SNTG1: variants seen among roughly 807,000 people sequenced by gnomAD.
The protein encoded by SNTG1 is gamma-1-syntrophin.
A neutral mutation model predicts 74.7 loss-of-function variants in SNTG1; 39 were observed. The ratio of observed to expected loss-of-function variants is 0.52; its 90% CI spans 0.40 to 0.68. SNTG1 has a LOEUF of 0.68. Ranked by LOEUF, SNTG1 falls within the 30% of genes least tolerant of loss-of-function variation. The pLI is 0.00. For synonymous variants in SNTG1, 254 were observed against 217.1 expected, an observed-to-expected ratio of 1.17 and a Z score of -1.49; for missense variants, 685 against 609.5, an observed-to-expected ratio of 1.12 and a Z score of -1.30.
At chr8:50,445,712 A>G (rs1476586538) in intron 5 of SNTG1, among the ~76,000 whole-genome samples, 1 of 152,132 alleles carries the variant, frequency 6.6e-6, no homozygotes, top group Non-Finnish European at 1.5e-5. Context: ...CTACAATAAC[A>G]ATGCTCAGTT....
intron 1 of SNTG1, among the ~76,000 whole-genome samples, chr8:50,079,354 C>T (rs1822186235): frequency 6.6e-6 from 1 of 150,856 alleles, no homozygotes; most frequent in Admixed American, 6.6e-5. Context: ...ACATAAATAT[C>T]TTCTTTTGGG....
chr8:50,711,536 A>C lies in SNTG1; in HGVS notation c.1284+2558A>C, dbSNP rs1266531631. ...GTATTCTTAATACATCAGTGAAGGA[A>C]AGAATTGCTGCATCTCTCTTATTGC... On this transcript the variant is annotated intron_variant, in intron 17 of 18. Transcript: ENST00000642720. Among the ~76,000 whole-genome samples, 5 of 152,192 alleles carry C rather than the reference A, an allele frequency of 3.3e-5. No homozygotes were observed. In the East Asian group the frequency reaches 9.6e-4, roughly 29 times the overall value.
At chr8:50,640,947 A>G (rs866258767) in intron 13 of SNTG1, among the ~76,000 whole-genome samples, 32 of 152,128 alleles carry the variant, frequency 2.1e-4, no homozygotes, top group Middle Eastern at 3.2e-3. Context: ...TAGCGCATTC[A>G]TCTTATGTCA....
chr8:50,305,914 A>AC (rs2089873412), intron 2 of SNTG1, among the ~76,000 whole-genome samples: 2 of 151,654 alleles, frequency 1.3e-5, no homozygotes, highest in African/African-American at 4.8e-5. Context: ...AAAAAAAAAA[A>AC]AACTGTTTCA....
At chr8:50,689,356 T>C (rs969402122) in intron 15 of SNTG1, among the ~76,000 whole-genome samples, 3 of 152,218 alleles carry the variant, frequency 2.0e-5, no homozygotes, top group African/African-American at 7.2e-5. Context: ...CTTGAAGTTT[T>C]TGCCCATTCA....
chr8:50,660,260 A>G (rs1563707744), intron 15 of SNTG1, among the ~76,000 whole-genome samples: 1 of 149,670 alleles, frequency 6.7e-6, no homozygotes. Context: ...GAAGGAGGGA[A>G]GGAGAGAGAG....
Position 50,049,503 on chromosome 8 carries a change from G to A in SNTG1, c.-102-123058G>A, listed in dbSNP as rs1392428882. ...ACGATCTTTATTTGTGAGAGGAAAA[G>A]CTGACAGAATTGTTAGGATAACTGG... On this transcript the variant is annotated intron_variant, in intron 1 of 18. Transcript: ENST00000642720. Among the ~76,000 whole-genome samples the A allele has an allele frequency of 1.3e-4, 20 of 152,074 alleles. 1 individual carries two copies.
At chr8:50,714,848 G>A (rs1031134732) in intron 17 of SNTG1, among the ~76,000 whole-genome samples, 68 of 152,096 alleles carry the variant, frequency 4.5e-4, no homozygotes, top group African/African-American at 1.6e-3. Flanking sequence ...GCATCAAGCA[G>A]GTGGGGGCAA....
At chr8:50,006,378 CT>C (rs1395355931) in intron 1 of SNTG1, among the ~76,000 whole-genome samples, 9 of 152,132 alleles carry the variant, frequency 5.9e-5, no homozygotes, top group Middle Eastern at 3.4e-3. Context: ...CTTTAAAATT[CT>C]TGTCAGATAA....
intron 2 of SNTG1, among the ~76,000 whole-genome samples, chr8:50,373,364 T>G (rs539304580): frequency 1.3e-5 from 2 of 152,336 alleles, no homozygotes; most frequent in East Asian, 3.9e-4. Flanking sequence ...TAAATCTCAC[T>G]TGTTAAGTCT....
At chr8:50,227,929 A>AAT (rs1445749353) in intron 2 of SNTG1, among the ~76,000 whole-genome samples, 9 of 150,898 alleles carry the variant, frequency 6.0e-5, no homozygotes, top group Middle Eastern at 3.4e-3. Flanking sequence ...ACCAAAAAAA[A>AAT]AAAAAAGAAA....
chr8:49,936,126 C>A (rs1255349194), intron 1 of SNTG1, among the ~76,000 whole-genome samples: 1 of 152,096 alleles, frequency 6.6e-6, no homozygotes, highest in African/African-American at 2.4e-5. Flanking sequence ...TTCCAATATG[C>A]AAAGAACTAG....
chr8:49,947,286 G>A, intron 1 of SNTG1, among the ~76,000 whole-genome samples: 1 of 152,038 alleles, frequency 6.6e-6, no homozygotes, highest in East Asian at 1.9e-4. Flanking sequence ...GATGATAAGA[G>A]CAAAACTCCG....
At chr8:50,136,159 T>C (rs1042029398) in intron 1 of SNTG1, among the ~76,000 whole-genome samples, 2 of 152,178 alleles carry the variant, frequency 1.3e-5, no homozygotes, top group African/African-American at 4.8e-5. Context: ...CAACTATTCA[T>C]GGATATTTAG....
At chr8:50,181,308 C>T (rs951800421) in intron 2 of SNTG1, among the ~76,000 whole-genome samples, 2 of 152,188 alleles carry the variant, frequency 1.3e-5, no homozygotes, top group African/African-American at 4.8e-5. Context: ...GATATTTGGA[C>T]TTGATCTTTG....
In SNTG1 at chr8:50,530,182, C is replaced by G; in HGVS notation, c.472C>G (p.Pro158Ala). 3 of 1,613,620 alleles carry G rather than the reference C, an allele frequency of 1.9e-6. No homozygotes were observed. The highest frequency in any genetic ancestry group is 2.5e-6 in the Non-Finnish European group (3 of 1,179,710). Residue 158 changes from proline (P) to alanine (A), a missense_variant, in exon 10 of 19, where the codon CCA (proline) becomes GCA (alanine). Coordinates refer to ENST00000642720, the MANE Select transcript of SNTG1 (RefSeq NM_018967.5). The part of the protein sequence containing the change: ...LPLNEDCACA[P>A]SDQSSGTSSP... ...TATGATTTTGTCTCCTGCAGGTGCT[C>G]CAAGTGACCAGAGCAGTGGCACCTC...
chr8:50,244,653 G>A (rs1215445199), intron 2 of SNTG1, among the ~76,000 whole-genome samples: 1 of 152,128 alleles, frequency 6.6e-6, no homozygotes, highest in Non-Finnish European at 1.5e-5. Flanking sequence ...AACATAGGGA[G>A]CTCTATTAGC....
intron 12 of SNTG1, among the ~76,000 whole-genome samples, chr8:50,553,742 ATTATT>A (rs1450103782): frequency 6.6e-6 from 1 of 152,082 alleles, no homozygotes; most frequent in African/African-American, 2.4e-5. Flanking sequence ...CTATCTTCTC[ATTATT>A]TTAACTCTTT....
intron 1 of SNTG1, chr8:50,011,958 T>C (rs1249390345): frequency 1.3e-5 from 2 of 152,204 alleles, no homozygotes; most frequent in African/African-American, 4.8e-5. Context: ...ATCACCTTTT[T>C]TTCCTTTATA....
Sources: allele counts gnomAD v4.1 joint callset (sites outside exome capture counted in the v4.1 genomes callset), GRCh38; gene constraint gnomAD v4.1.1; transcripts MANE v1.5; gene names NCBI Gene and HGNC (gene_info 2026-07-23, HGNC 2026-07-21).